The following FRMD5 variants were observed in gnomAD, a reference collection of about 807,000 sequenced individuals.
FRMD5 encodes the protein FERM domain-containing protein 5.
A neutral mutation model predicts 69.0 loss-of-function variants in FRMD5; 20 were observed. That is an observed-to-expected ratio of 0.29 (90% confidence interval 0.20 to 0.42). FRMD5 has a LOEUF of 0.42. Ranked by LOEUF, FRMD5 falls within the 10% of genes least tolerant of loss-of-function variation. The pLI, the probability that FRMD5 is intolerant of heterozygous loss-of-function variation, is 1.00. For synonymous variants in FRMD5, 271 were observed against 260.1 expected, an observed-to-expected ratio of 1.04 and a Z score of -0.40; for missense variants, 595 against 708.6, an observed-to-expected ratio of 0.84 and a Z score of 1.82.
At chr15:44,067,121 A>G (rs1205324129) in intron 1 of FRMD5, among the ~76,000 whole-genome samples, 1 of 152,168 alleles carries the variant, frequency 6.6e-6, no homozygotes, top group African/African-American at 2.4e-5. Flanking sequence ...AAAAGGGAAA[A>G]GAGTGAAAAT....
At chr15:44,078,631 T>A (rs1305413092) in intron 1 of FRMD5, among the ~76,000 whole-genome samples, 1 of 150,612 alleles carries the variant, frequency 6.6e-6, no homozygotes, top group Admixed American at 6.6e-5. Context: ...CATTATGCTA[T>A]GAGAAATAAG....
At chr15:44,053,648 A>G (rs1595674300) in intron 1 of FRMD5, among the ~76,000 whole-genome samples, 1 of 152,184 alleles carries the variant, frequency 6.6e-6, no homozygotes, top group South Asian at 2.1e-4. Flanking sequence ...GTTTTGCACA[A>G]TCAGATGGAC....
intron 2 of FRMD5, 103 bp downstream of exon 2, chr15:43,924,102 G>A: frequency 2.2e-6 from 2 of 906,626 alleles, no homozygotes; most frequent in Admixed American, 1.8e-5. Flanking sequence ...GGTCTGGTTG[G>A]TCCCTGATTC....
chr15:44,162,126 G>A (rs561786205), intron 1 of FRMD5, among the ~76,000 whole-genome samples: 36 of 152,124 alleles, frequency 2.4e-4, no homozygotes, highest in Non-Finnish European at 4.4e-4. Context: ...CACCACACTC[G>A]GCTAATTTTT....
At chr15:44,195,322 A>C, upstream of FRMD5, 1 of 489,542 alleles carries the variant, frequency 2.0e-6, no homozygotes, top group Non-Finnish European at 3.6e-6. Flanking sequence ...CGGGGCCTCA[A>C]CTGGAGGGGG....
intron 1 of FRMD5, among the ~76,000 whole-genome samples, chr15:43,940,566 TACA>T (rs779880477): frequency 1.1e-4 from 16 of 152,138 alleles, no homozygotes; most frequent in Non-Finnish European, 2.1e-4. Context: ...ACTGCCTTGG[TACA>T]AGGACGTCGG....
At position 43,982,911 on chromosome 15, in the gene FRMD5, C is replaced by T. The variant is rs529849937; in HGVS notation, c.103-58602G>A. Among the ~76,000 whole-genome samples the T allele has an allele frequency of 2.6e-5, 4 of 151,386 alleles. No individual in the cohort carries two copies. In the South Asian group the frequency reaches 6.3e-4, roughly 24 times the overall value. Reference sequence around the variant, plus strand: ...AAAAAACTAGGTAGTCACTTGCAAACTAAATTTCCCCAGGTATCTTTTTTC... The same window carrying T: ...AAAAAACTAGGTAGTCACTTGCAAATTAAATTTCCCCAGGTATCTTTTTTC... On this transcript the variant is annotated intron_variant, in intron 1 of 13. Transcript: ENST00000417257.
intron 6 of FRMD5, among the ~76,000 whole-genome samples, chr15:43,903,697 G>T (rs1317515199): frequency 1.3e-5 from 2 of 152,164 alleles, no homozygotes; most frequent in Non-Finnish European, 2.9e-5. Context: ...CCTTTCCAGG[G>T]AGTGTCCTCT....
chr15:43,978,498 A>T (rs1332469761), intron 1 of FRMD5, among the ~76,000 whole-genome samples: 1 of 152,164 alleles, frequency 6.6e-6, no homozygotes, highest in Non-Finnish European at 1.5e-5. Context: ...CTATTTCATG[A>T]TCGAGGTGAT....
Position 43,905,945 on chromosome 15 carries a change from A to G in FRMD5, c.434T>C (p.Ile145Thr), listed in dbSNP as rs375697971. ...GTGTTTCCCTGAGTCATAATCCCCAATCTCCGCTTTCAAAAGGAAGGTGGA... is the reference window on the plus strand; with the variant it reads ...GTGTTTCCCTGAGTCATAATCCCCAGTCTCCGCTTTCAAAAGGAAGGTGGA... ...LLAAYILQAE[I>T]GDYDSGKHPE... Residue 145 changes from isoleucine to threonine, a missense_variant, in exon 6 of 14, where the codon ATT becomes ACT. Physicochemically the swap from Ile to Thr is moderately conservative, Grantham distance 89 (BLOSUM62 -1). This residue lies in a region of FRMD5 where 51 missense variants were observed against 41.7 expected (regional missense o/e 1.22). Transcript: ENST00000417257. 2.5e-6 allele frequency: 4 copies of G among 1,614,220 alleles called. No homozygotes were observed. In the South Asian group the frequency reaches 4.4e-5, roughly 18 times the overall value.
chr15:43,955,828 G>T (rs1354941644), intron 1 of FRMD5, among the ~76,000 whole-genome samples: 2 of 150,764 alleles, frequency 1.3e-5, no homozygotes. Flanking sequence ...TTTTTTTTTA[G>T]GGCATGGTCC....
At position 44,055,883 on chromosome 15, in the gene FRMD5, T is replaced by C. The variant is rs894620214; in HGVS notation, c.103-131574A>G. Reference sequence around the variant, plus strand: ...TCCAGCACTGACGATTCTCTAATTCTATAAATGTCATGATTATACATCTCC... The same window carrying C: ...TCCAGCACTGACGATTCTCTAATTCCATAAATGTCATGATTATACATCTCC... On this transcript the variant is annotated intron_variant, in intron 1 of 13. Coordinates refer to ENST00000417257, the MANE Select transcript of FRMD5 (RefSeq NM_032892.5). Among the ~76,000 whole-genome samples, 17 of 152,360 alleles carry C rather than the reference T, an allele frequency of 1.1e-4. No homozygotes were observed. The East Asian group carries it at 3.3e-3, about 29-fold the overall frequency.
At chr15:43,936,582 CA>C (rs2089765183) in intron 1 of FRMD5, among the ~76,000 whole-genome samples, 1 of 152,080 alleles carries the variant, frequency 6.6e-6, no homozygotes, top group Admixed American at 6.5e-5. Context: ...TCCTAATACC[CA>C]GTGAGATCAG....
chr15:43,928,273 T>G (rs1464930474), intron 1 of FRMD5, among the ~76,000 whole-genome samples: 1 of 152,190 alleles, frequency 6.6e-6, no homozygotes. Context: ...GAGAAGCATC[T>G]TCCTTTGCTC....
chr15:44,033,627 C>A (rs549904823), intron 1 of FRMD5, among the ~76,000 whole-genome samples: 1 of 152,164 alleles, frequency 6.6e-6, no homozygotes, highest in South Asian at 2.1e-4. Flanking sequence ...CACCAGTAAA[C>A]AATTCTAATA....
At chr15:44,125,664 C>T (rs1343853633) in intron 1 of FRMD5, among the ~76,000 whole-genome samples, 2 of 152,134 alleles carry the variant, frequency 1.3e-5, no homozygotes, top group Admixed American at 1.3e-4. Context: ...AATAAAAACT[C>T]TTATTTCTGA....
intron 1 of FRMD5, among the ~76,000 whole-genome samples, chr15:43,987,557 CTTTT>C (rs905181685): frequency 1.6e-4 from 24 of 152,026 alleles, no homozygotes; most frequent in Admixed American, 1.3e-4. Flanking sequence ...TCTATTATTA[CTTTT>C]TTTGTTTTTT....
At chr15:44,119,955 G>A (rs1027984646) in intron 1 of FRMD5, among the ~76,000 whole-genome samples, 3 of 152,016 alleles carry the variant, frequency 2.0e-5, no homozygotes, top group Non-Finnish European at 2.9e-5. Flanking sequence ...AACTAAACAA[G>A]ACAGAATATA....
intron 1 of FRMD5, among the ~76,000 whole-genome samples, chr15:44,113,293 C>A (rs2076825181): frequency 6.6e-6 from 1 of 152,246 alleles, no homozygotes; most frequent in African/African-American, 2.4e-5. Context: ...ACTAAGTCCA[C>A]TGCCTGATTC....
Sources: gnomAD v4.1 joint callset for allele counts (sites outside exome capture counted in the v4.1 genomes callset) on GRCh38, gnomAD v4.1.1 for gene constraint, gnomAD v4.1.1 regional missense constraint, MANE v1.5 for transcripts, NCBI Gene and HGNC (gene_info 2026-07-23, HGNC 2026-07-21) for gene names.